Variants in NLK observed in about 807,000 individuals in gnomAD.
NLK encodes the protein serine/threonine-protein kinase NLK.
In NLK, 11 loss-of-function variants were observed where a neutral mutation model predicts 59.0. The ratio of observed to expected loss-of-function variants is 0.19; its 90% confidence interval spans 0.12 to 0.31. NLK has a LOEUF of 0.31. Among genes scored for constraint, NLK ranks in the 10% least tolerant of loss-of-function variants. The pLI is 1.00. For synonymous variants in NLK, 235 were observed against 235.9 expected (o/e 1.00, Z 0.03); for missense variants, 410 against 661.1 (o/e 0.62, Z 4.16).
chr17:28,115,296 G>A (rs1215211259), intron 1 of NLK, among the ~76,000 whole-genome samples: 2 of 152,184 alleles, frequency 1.3e-5, no homozygotes, highest in Non-Finnish European at 2.9e-5. Context: ...CTAACATGGA[G>A]CCAGTTGGCA....
downstream of NLK, among the ~76,000 whole-genome samples, chr17:28,198,117 A>G (rs1231959526): frequency 6.6e-6 from 1 of 152,204 alleles, no homozygotes; most frequent in Non-Finnish European, 1.5e-5. Flanking sequence ...TGAAGACTCC[A>G]GGAGGTACAT....
chr17:28,143,838 C>T (rs377553935), intron 3 of NLK, among the ~76,000 whole-genome samples: 29 of 152,286 alleles, frequency 1.9e-4, no homozygotes, highest in African/African-American at 6.7e-4. Context: ...TTCACACATA[C>T]GCACAACTTG....
chr17:28,163,504 G>C (rs1908098687), intron 4 of NLK, 39 bp from the exon 5 acceptor site: 3 of 1,181,954 alleles, frequency 2.5e-6, no homozygotes, highest in Non-Finnish European at 3.7e-6. Flanking sequence ...TGAGTAAAAG[G>C]AATTAAATAT....
At chr17:28,173,156 T>A (rs1393612908) in intron 7 of NLK, among the ~76,000 whole-genome samples, 5 of 152,106 alleles carry the variant, frequency 3.3e-5, no homozygotes, top group Non-Finnish European at 7.4e-5. Context: ...GACAAAATGG[T>A]TTTTTATCTC....
chr17:28,144,396 C>CAAAAAAAAAAA (rs984366292), intron 3 of NLK, among the ~76,000 whole-genome samples: 1 of 81,588 alleles, frequency 1.2e-5, no homozygotes. Context: ...CAGGTGAAGC[C>CAAAAAAAAAAA]AAAAAAAAAA....
chr17:28,121,495 C>CTTTTTTTTTTTTTTTT (rs58647578), intron 1 of NLK, among the ~76,000 whole-genome samples: 29 of 72,292 alleles, frequency 4.0e-4, no homozygotes, highest in South Asian at 6.9e-4. Context: ...TCTTTCTTTT[C>CTTTTTTTTTTTTTTTT]TTTTTTTTTT....
intron 1 of NLK, among the ~76,000 whole-genome samples, chr17:28,103,449 T>A (rs1019221171): frequency 6.6e-6 from 1 of 152,254 alleles, no homozygotes; most frequent in Admixed American, 6.5e-5. Context: ...TGTTTATATA[T>A]AAATACATGC....
intron 1 of NLK, among the ~76,000 whole-genome samples, chr17:28,107,370 G>T (rs930750399): frequency 1.5e-4 from 23 of 152,116 alleles, no homozygotes; most frequent in Non-Finnish European, 2.9e-4. Context: ...GGGAGGCGGA[G>T]GTTGCAGTGA....
chr17:28,048,160 C>G (rs1259949647), intron 1 of NLK: 1 of 386,372 alleles, frequency 2.6e-6, no homozygotes, highest in Non-Finnish European at 4.6e-6. Flanking sequence ...GGTTCATGAT[C>G]ATAAAGTAGA....
chr17:28,155,132 A>C (rs1007509851), intron 3 of NLK, among the ~76,000 whole-genome samples: 1 of 152,114 alleles, frequency 6.6e-6, no homozygotes, highest in African/African-American at 2.4e-5. Context: ...TTAGAACACT[A>C]TGCAGTCATT....
chr17:28,185,112 T>C (rs1156796211), intron 7 of NLK, 67 bp from the exon 8 acceptor site: 6 of 827,434 alleles, frequency 7.3e-6, no homozygotes, highest in Non-Finnish European at 1.1e-5. Flanking sequence ...TATCATAAAT[T>C]GGCTGTATTC....
the NLK span, among the ~76,000 whole-genome samples, chr17:28,204,981 C>T: frequency 6.6e-6 from 1 of 152,212 alleles, no homozygotes; most frequent in African/African-American, 2.4e-5. Flanking sequence ...CATGCTCCTT[C>T]TTCAGACTTT....
chr17:28,191,004 C>G lies in NLK; in HGVS notation c.1237-17C>G, dbSNP rs760811723. On this transcript the variant is annotated splice_polypyrimidine_tract_variant and intron_variant, in intron 8 of 10. Coordinates refer to ENST00000407008, the MANE Select transcript of NLK (RefSeq NM_016231.5). ...TTATCTGTAGTGTTGATGTGCTGGT[C>G]TCTAATTTGATTTCAGTCCAAAAGA... 2 of 1,565,264 alleles carry G rather than the reference C, an allele frequency of 1.3e-6. No individual in the cohort carries two copies. Among genetic ancestry groups the G allele is most frequent in the Middle Eastern group, 1.7e-4 (1 of 5,762 alleles).
At chr17:28,068,752 T>C (rs568762368) in intron 1 of NLK, among the ~76,000 whole-genome samples, 1 of 152,194 alleles carries the variant, frequency 6.6e-6, no homozygotes, top group Non-Finnish European at 1.5e-5. Flanking sequence ...TGATCATAGC[T>C]CACTGTAACC....
At chr17:28,190,007 A>C (rs1401594913) in intron 8 of NLK, among the ~76,000 whole-genome samples, 1 of 152,224 alleles carries the variant, frequency 6.6e-6, no homozygotes, top group African/African-American at 2.4e-5. Flanking sequence ...GGCTTATGAG[A>C]AACATTTCAT....
In NLK at chr17:28,118,258, A is replaced by G. The variant is rs34421347; in HGVS notation, c.459-4345A>G. On this transcript the variant is annotated intron_variant, in intron 1 of 10. Transcript: ENST00000407008. ...ATGTACTCAGTATAGTTGACATAGT[A>G]ATTGTAGTATGTATAGCAAGAAATG... 8.9e-3 allele frequency among the ~76,000 whole-genome samples: 1,348 copies of G among 152,264 alleles called. 21 individuals are homozygous for G. Among genetic ancestry groups the G allele is most frequent in the African/African-American group, 0.031 (1,270 of 41,550 alleles).
At chr17:28,081,795 G>T (rs148150495) in intron 1 of NLK, among the ~76,000 whole-genome samples, 1 of 152,318 alleles carries the variant, frequency 6.6e-6, no homozygotes, top group African/African-American at 2.4e-5. Flanking sequence ...ACCTGCAGGA[G>T]CATGTGTTAG....
Position 28,141,269 on chromosome 17 carries a change from T to C in NLK, c.644+8594T>C, listed in dbSNP as rs1906980153. On this transcript the variant is annotated intron_variant, in intron 3 of 10. Coordinates refer to ENST00000407008, the MANE Select transcript of NLK (RefSeq NM_016231.5). Reference sequence around the variant, plus strand: ...TTGATATACTTTTCCTAAATTCTTCTTGTAGATTTTTGTTCTCTGTTTATT... The same window carrying C: ...TTGATATACTTTTCCTAAATTCTTCCTGTAGATTTTTGTTCTCTGTTTATT... Among the ~76,000 whole-genome samples, 3 of 152,230 alleles carry C rather than the reference T, an allele frequency of 2.0e-5. No homozygotes were observed. The South Asian group carries it at 6.2e-4, about 32-fold the overall frequency.
chr17:28,190,365 G>T (rs1909262513), intron 8 of NLK, among the ~76,000 whole-genome samples: 1 of 152,142 alleles, frequency 6.6e-6, no homozygotes, highest in Non-Finnish European at 1.5e-5. Context: ...CATGCCTGCA[G>T]TCCCAGCACT....
Sources: allele counts gnomAD v4.1 joint callset (sites outside exome capture counted in the v4.1 genomes callset), GRCh38; gene constraint gnomAD v4.1.1; transcripts MANE v1.5; gene names NCBI Gene and HGNC (gene_info 2026-07-23, HGNC 2026-07-21).